CTH: variants seen among roughly 807,000 people sequenced by gnomAD.
The protein encoded by CTH is cystathionase (cystathionine gamma-lyase).
CTH carries 41 observed loss-of-function variants against 50.6 expected under a neutral mutation model. The observed-to-expected ratio is 0.81, with a 90% CI of 0.63 to 1.05. CTH has a LOEUF of 1.05. CTH is among the 50% of genes least tolerant of loss of function. CTH has a pLI of 0.00. For synonymous variants in CTH, 156 were observed against 168.9 expected (o/e 0.92, Z 0.59); for missense variants, 470 against 492.6 (o/e 0.95, Z 0.43).
intron 3 of CTH, among the ~76,000 whole-genome samples, chr1:70,419,522 G>C (rs151026949): frequency 1.4e-3 from 212 of 152,234 alleles, no homozygotes; most frequent in African/African-American, 4.6e-3. Context: ...CATTCTAACT[G>C]GTGTGAGATG....
At chr1:70,433,274 A>G (rs1293341647) in intron 8 of CTH, among the ~76,000 whole-genome samples, 1 of 152,222 alleles carries the variant, frequency 6.6e-6, no homozygotes, top group Non-Finnish European at 1.5e-5. Context: ...CCCTAAAGGT[A>G]CTTTAGGTAA....
intron 1 of CTH, among the ~76,000 whole-genome samples, chr1:70,415,321 T>C (rs528872652): frequency 6.6e-6 from 1 of 152,214 alleles, no homozygotes; most frequent in African/African-American, 2.4e-5. Context: ...GGAGGATTGC[T>C]TAAGCCCAGG....
chr1:70,434,967 G>T (rs1207185495), intron 9 of CTH, 158 bp from the exon 10 acceptor site: 2 of 495,234 alleles, frequency 4.0e-6, no homozygotes, highest in Non-Finnish European at 7.1e-6. Flanking sequence ...GGCCAGGCTG[G>T]TCTCGAACTC....
At chr1:70,438,072 ATAT>A (rs1419329708) in intron 10 of CTH, among the ~76,000 whole-genome samples, 7 of 152,260 alleles carry the variant, frequency 4.6e-5, no homozygotes, top group Non-Finnish European at 5.9e-5. Flanking sequence ...AGTGCTTGAC[ATAT>A]TATGGGTGGT....
chr1:70,418,237 G>T (rs559239439), intron 3 of CTH, among the ~76,000 whole-genome samples: 7 of 152,226 alleles, frequency 4.6e-5, no homozygotes, highest in Non-Finnish European at 8.8e-5. Flanking sequence ...GCTTATAAGA[G>T]AGATTATTTA....
intron 5 of CTH, among the ~76,000 whole-genome samples, chr1:70,426,411 T>G (rs748874980): frequency 6.6e-6 from 1 of 152,232 alleles, no homozygotes; most frequent in African/African-American, 2.4e-5. Flanking sequence ...GCTCTTCAAT[T>G]GGGCAGATGT....
chr1:70,413,037 A>G (rs567894149), intron 1 of CTH, among the ~76,000 whole-genome samples: 9 of 152,092 alleles, frequency 5.9e-5, no homozygotes, highest in African/African-American at 2.2e-4. Flanking sequence ...AGAGAATTTA[A>G]AAGTTGCTGA....
chr1:70,430,214 T>G (rs1338083579), intron 6 of CTH, 103 bp from the exon 7 acceptor site: 3 of 740,792 alleles, frequency 4.0e-6, no homozygotes, highest in Non-Finnish European at 7.1e-6. Flanking sequence ...TCCCTGAGAG[T>G]TTTTTCAAGT....
chr1:70,435,392 C>A (rs1684576601), intron 10 of CTH, among the ~76,000 whole-genome samples: 1 of 152,054 alleles, frequency 6.6e-6, no homozygotes, highest in Non-Finnish European at 1.5e-5. Context: ...CCAAATGTTG[C>A]TTCCTTCCCT....
intron 1 of CTH, among the ~76,000 whole-genome samples, chr1:70,414,851 G>A (rs1257767712): frequency 2.0e-5 from 3 of 151,600 alleles, no homozygotes; most frequent in Admixed American, 1.3e-4. Context: ...ACAGAGTCTC[G>A]CTCTGTTGGC....
rs1684225833 is a variant in CTH at position 70,421,685 on chromosome 1, C to G, written c.456+10C>G. 1 of 1,613,008 alleles carries G rather than the reference C, an allele frequency of 6.2e-7. No homozygotes were observed. The highest frequency in any genetic ancestry group is 8.5e-7 in the Non-Finnish European group (1 of 1,179,110). ...TACACCAGAAACCAAGGTAACTCAG[C>G]TCATTTTCAGTTTTGCCTGTTTTTC... On this transcript the variant is annotated intron_variant, in intron 4 of 11. Transcript: ENST00000370938.
chr1:70,422,787 T>G (rs1258644101), intron 4 of CTH, among the ~76,000 whole-genome samples: 1 of 152,066 alleles, frequency 6.6e-6, no homozygotes, highest in Non-Finnish European at 1.5e-5. Flanking sequence ...AATTTTTGTA[T>G]TTTTAGTAGA....
At chr1:70,418,465 G>A (rs1356668046) in intron 3 of CTH, among the ~76,000 whole-genome samples, 2 of 152,136 alleles carry the variant, frequency 1.3e-5, no homozygotes, top group African/African-American at 4.8e-5. Context: ...GGTCAGGCTG[G>A]TCTGGAACTC....
chr1:70,424,670 T>C (rs1196323936), intron 5 of CTH, among the ~76,000 whole-genome samples: 1 of 152,194 alleles, frequency 6.6e-6, no homozygotes, highest in Non-Finnish European at 1.5e-5. Flanking sequence ...GGGCTGTGCG[T>C]GGTGGCTCAC....
At chr1:70,423,226 A>G (rs749785549) in intron 4 of CTH, among the ~76,000 whole-genome samples, 2 of 152,006 alleles carry the variant, frequency 1.3e-5, no homozygotes, top group Admixed American at 6.6e-5. Flanking sequence ...GTAAAACTCT[A>G]AAGTCAGAAG....
At chr1:70,427,454 A>G (rs1050669526) in intron 5 of CTH, among the ~76,000 whole-genome samples, 1 of 152,324 alleles carries the variant, frequency 6.6e-6, no homozygotes, top group African/African-American at 2.4e-5. Flanking sequence ...GAAGATAATG[A>G]GATCAGAGGT....
At position 70,412,426 on chromosome 1, in the gene CTH, T is replaced by G. The variant is rs112597168; in HGVS notation, c.168+843T>G. 4.8e-3 allele frequency among the ~76,000 whole-genome samples: 731 copies of G among 152,248 alleles called. 6 individuals carry two copies. The highest frequency in any genetic ancestry group is 0.016 in the African/African-American group (678 of 41,550). On this transcript the variant is annotated intron_variant, in intron 1 of 11. Coordinates refer to ENST00000370938, the MANE Select transcript of CTH (RefSeq NM_001902.6). ...TTCGAGCCCAGCCTGGCCAACATGGTGAAACCCCATCTCTACTAAAAATAA... is the reference window on the plus strand; with the variant it reads ...TTCGAGCCCAGCCTGGCCAACATGGGGAAACCCCATCTCTACTAAAAATAA...
chr1:70,422,664 T>C (rs914901361), intron 4 of CTH, among the ~76,000 whole-genome samples: 1 of 150,060 alleles, frequency 6.7e-6, no homozygotes, highest in African/African-American at 2.5e-5. Context: ...CAGGCTGTAG[T>C]GCAATGGCGC....
At chr1:70,423,595 C>A (rs984565906) in intron 4 of CTH, among the ~76,000 whole-genome samples, 2 of 151,368 alleles carry the variant, frequency 1.3e-5, no homozygotes, top group African/African-American at 4.9e-5. Context: ...GAAAGTAATT[C>A]AGTACAATGG....
Sources: gnomAD v4.1 joint callset for allele counts (sites outside exome capture counted in the v4.1 genomes callset) on GRCh38, gnomAD v4.1.1 for gene constraint, MANE v1.5 for transcripts, NCBI Gene and HGNC (gene_info 2026-07-23, HGNC 2026-07-21) for gene names.